The following FBXO11 variants were observed in gnomAD, a reference collection of about 807,000 sequenced individuals.
The protein encoded by FBXO11 is F-box protein 11, also known as F-box only protein 11.
FBXO11 carries 13 observed loss-of-function variants against 117.0 expected under a neutral mutation model. The ratio of observed to expected loss-of-function variants is 0.11; its 90% CI spans 0.07 to 0.18. The LOEUF (loss-of-function observed/expected upper bound fraction) is 0.18, where lower values mean the gene tolerates loss of function less well. Ranked by LOEUF, FBXO11 falls within the 10% of genes least tolerant of loss-of-function variation. The pLI is 1.00. For synonymous variants in FBXO11, 490 were observed against 380.5 expected (o/e 1.29, Z -3.35); for missense variants, 767 against 1,164.4 (o/e 0.66, Z 4.97).
At chr2:47,878,407 G>A (rs559655575) in intron 1 of FBXO11, among the ~76,000 whole-genome samples, 5 of 151,778 alleles carry the variant, frequency 3.3e-5, no homozygotes, top group Admixed American at 2.0e-4. Context: ...ACCCAGGCTG[G>A]AGTGCAGTAG....
At chr2:47,864,405 T>C (rs1315717610) in intron 1 of FBXO11, among the ~76,000 whole-genome samples, 3 of 152,256 alleles carry the variant, frequency 2.0e-5, no homozygotes, top group South Asian at 2.1e-4. Flanking sequence ...CTGGCCAACA[T>C]GGCAAAACCC....
In FBXO11 at chr2:47,839,403, T is replaced by G. The variant is rs1385605408; in HGVS notation, c.442+16A>C. 1.3e-6 allele frequency: 2 copies of G among 1,595,650 alleles called. No individual in the cohort carries two copies. The highest frequency in any genetic ancestry group is 8.5e-7 in the Non-Finnish European group (1 of 1,174,840). On this transcript the variant is annotated intron_variant, in intron 3 of 22. Transcript: ENST00000403359. The stretch of plus-strand genomic sequence containing the variant: ...AAATTATTTTACCCTATTTGTTACT[T>G]TCCCACAGGAAATACCTGATAGATC...
chr2:47,833,450 A>C (rs150085264), intron 7 of FBXO11, among the ~76,000 whole-genome samples: 1 of 152,320 alleles, frequency 6.6e-6, no homozygotes, highest in East Asian at 1.9e-4. Context: ...TTTAGAAAGT[A>C]ATAAAATCAC....
At chr2:47,820,944 G>T (rs775718462) in intron 13 of FBXO11, among the ~76,000 whole-genome samples, 1 of 152,184 alleles carries the variant, frequency 6.6e-6, no homozygotes, top group African/African-American at 2.4e-5. Flanking sequence ...CTGGCACACA[G>T]ATATCTACTG....
In FBXO11 at chr2:47,827,190, AATG is replaced by A. The variant is rs1051129086; in HGVS notation, c.1399-3833_1399-3831del. ...TGAGAAGCCTCTACATTGGCACAAC[AATG>A]ATTTTACTACCTTTAGAAATGACAA... On this transcript the variant is annotated intron_variant, in intron 11 of 22. Transcript: ENST00000403359. Among the ~76,000 whole-genome samples the A allele has an allele frequency of 4.5e-4, 68 of 152,058 alleles. 1 individual carries two copies. Among genetic ancestry groups the A allele is most frequent in the African/African-American group, 1.5e-3 (64 of 41,552 alleles).
At chr2:47,837,386 G>A (rs1006202060) in intron 4 of FBXO11, among the ~76,000 whole-genome samples, 4 of 152,186 alleles carry the variant, frequency 2.6e-5, no homozygotes, top group Non-Finnish European at 5.9e-5. Context: ...AAATAGCTGG[G>A]CATGGTGGGA....
intron 11 of FBXO11, among the ~76,000 whole-genome samples, chr2:47,831,579 T>C (rs1290612460): frequency 6.6e-6 from 1 of 151,984 alleles, no homozygotes; most frequent in African/African-American, 2.4e-5. Flanking sequence ...CTCTCTCCCA[T>C]CTTGGACTCC....
chr2:47,855,528 G>C (rs894559736), intron 1 of FBXO11, among the ~76,000 whole-genome samples: 5 of 152,080 alleles, frequency 3.3e-5, no homozygotes, highest in Admixed American at 6.6e-5. Flanking sequence ...CAGATTTCTG[G>C]AACACACAAA....
At chr2:47,905,354 C>T (rs1678698485) in intron 1 of FBXO11, 135 bp downstream of exon 1, 1 of 936,256 alleles carries the variant, frequency 1.1e-6, no homozygotes, top group Non-Finnish European at 1.3e-6. Context: ...ACCGGGGGAC[C>T]CGCCTCCGCT....
chr2:47,818,687 G>C, intron 16 of FBXO11, 92 bp downstream of exon 16: 1 of 765,178 alleles, frequency 1.3e-6, no homozygotes, highest in Non-Finnish European at 2.2e-6. Context: ...GGGGGATAAA[G>C]ATTGGGCATT....
intron 1 of FBXO11, among the ~76,000 whole-genome samples, chr2:47,879,535 T>C (rs1235006097): frequency 1.3e-5 from 2 of 152,218 alleles, no homozygotes. Flanking sequence ...AAGCCACTTA[T>C]ATTTAATTTT....
chr2:47,902,520 A>G (rs770418122), intron 1 of FBXO11, among the ~76,000 whole-genome samples: 1 of 152,106 alleles, frequency 6.6e-6, no homozygotes, highest in Admixed American at 6.6e-5. Flanking sequence ...GCGTATATAC[A>G]CACACACATA....
chr2:47,905,782 T>G lies in FBXO11; in HGVS notation c.-62A>C, dbSNP rs1572944012. On this transcript the variant is annotated 5_prime_UTR_variant, in exon 1 of 23. Transcript: ENST00000403359. ...CACACACGCACACGCACAGCGAGCT[T>G]CGGGGCAGGAGAAAGGGGTGGGGAG... The G allele has an allele frequency of 1.6e-6, 2 of 1,235,584 alleles. No individual in the cohort carries two copies. Among genetic ancestry groups the G allele is most frequent in the East Asian group, 7.8e-5 (1 of 12,890 alleles). 76.5% of individuals were successfully genotyped at this position (1,235,584 alleles called of 1,614,324 possible). A position where few individuals can be genotyped will look rare whatever the true frequency, so the allele number is the denominator to read the frequency against.
chr2:47,808,433 A>G lies in FBXO11; in HGVS notation c.2556-6T>C, dbSNP rs1254898490. 4 of 1,577,146 alleles carry G rather than the reference A, an allele frequency of 2.5e-6. No homozygotes were observed. Among genetic ancestry groups the G allele is most frequent in the South Asian group, 2.4e-5 (2 of 84,818 alleles). On this transcript the variant is annotated splice_region_variant and splice_polypyrimidine_tract_variant and intron_variant, in intron 21 of 22. Transcript: ENST00000403359. ...TGGTGTTACAAGTATGACATCTAAA[A>G]AGCAAAAGCTTAAATTACTTTTCTC...
chr2:47,888,737 T>C (rs961409638), intron 1 of FBXO11: 2 of 850,296 alleles, frequency 2.4e-6, no homozygotes, highest in Non-Finnish European at 2.8e-6. Flanking sequence ...CATGTGTTTA[T>C]ACACACCCAA....
intron 1 of FBXO11, among the ~76,000 whole-genome samples, chr2:47,863,724 T>G (rs975002706): frequency 6.6e-6 from 1 of 152,148 alleles, no homozygotes; most frequent in Non-Finnish European, 1.5e-5. Context: ...GCAGATCACT[T>G]GAAGTCAGGA....
intron 1 of FBXO11, among the ~76,000 whole-genome samples, chr2:47,851,914 C>T (rs932787355): frequency 5.9e-5 from 9 of 151,820 alleles, no homozygotes; most frequent in African/African-American, 2.2e-4. Context: ...TTTTTTAATA[C>T]AGAATGCTTT....
chr2:47,877,791 T>A (rs1345864115), intron 1 of FBXO11, among the ~76,000 whole-genome samples: 5 of 152,218 alleles, frequency 3.3e-5, no homozygotes, highest in Non-Finnish European at 7.3e-5. Flanking sequence ...TTCAAGCGAT[T>A]CTCCTGCTTC....
chr2:47,850,016 T>G (rs780293153), intron 1 of FBXO11, among the ~76,000 whole-genome samples: 26 of 152,048 alleles, frequency 1.7e-4, no homozygotes, highest in Admixed American at 1.4e-3. Context: ...CAACTGGAAA[T>G]GAATAGCACT....
Sources: allele counts gnomAD v4.1 joint callset (sites outside exome capture counted in the v4.1 genomes callset), GRCh38; gene constraint gnomAD v4.1.1; transcripts MANE v1.5; gene names NCBI Gene and HGNC (gene_info 2026-07-23, HGNC 2026-07-21).